TBC1D9: variants seen among roughly 807,000 people sequenced by gnomAD.
The protein encoded by TBC1D9 is TBC1 domain family member 9.
TBC1D9 carries 63 observed loss-of-function variants against 132.0 expected under a neutral mutation model. The observed-to-expected ratio is 0.48, with a 90% CI of 0.39 to 0.59. TBC1D9 has a LOEUF of 0.59. Among genes scored for constraint, TBC1D9 ranks in the 20% least tolerant of loss-of-function variants. TBC1D9 has a pLI of 0.00. For synonymous variants in TBC1D9, 610 were observed against 609.9 expected (o/e 1.00, Z 0.00); for missense variants, 1,261 against 1,592.7 (o/e 0.79, Z 3.54).
chr4:140,639,294 T>C (rs2110976275), intron 14 of TBC1D9, 36 bp downstream of exon 14: 2 of 1,540,716 alleles, frequency 1.3e-6, no homozygotes, highest in Non-Finnish European at 1.8e-6. Flanking sequence ...AGAAGGAAGA[T>C]GACAGAGGTT....
rs779565979 is a variant in TBC1D9 at position 140,662,088 on chromosome 4, G to C, written c.1608C>G (p.Ala536=). The C allele has an allele frequency of 6.2e-7, 1 of 1,613,760 alleles. No homozygotes were observed. Among genetic ancestry groups the C allele is most frequent in the Non-Finnish European group, 8.5e-7 (1 of 1,179,776 alleles). ...GGTCTTCATAGTACCCAGGATGTGT[G>C]GCCTTCTCATTGATGGCACCTGAGA... ...LLLSGAINEK[A]THPGYYEDLV... is the part of the protein sequence containing the mutation. The change falls in exon 10 of 21, where the codon GCC becomes GCG. Residue 536 remains alanine, a synonymous_variant. Transcript: ENST00000442267.
At position 140,628,361 on chromosome 4, in the gene TBC1D9, A is replaced by G. The variant is rs1251312488; in HGVS notation, c.2751T>C (p.Ala917=). 1 of 1,613,836 alleles carries G rather than the reference A, an allele frequency of 6.2e-7. No individual in the cohort carries two copies. The highest frequency in any genetic ancestry group is 8.5e-7 in the Non-Finnish European group (1 of 1,179,700). The stretch of plus-strand genomic sequence containing the variant: ...TCTCTGTGAGGTCCCCATGGCATGC[A>G]GCACCTAGAAGTCACATAAGTACCA... ...NFREFVSGLS[A]ACHGDLTEKL... is the part of the protein sequence containing the mutation. The change falls in exon 17 of 21, where the codon GCT becomes GCC. Residue 917 remains alanine, a synonymous_variant. Coordinates refer to ENST00000442267, the MANE Select transcript of TBC1D9 (RefSeq NM_015130.3).
Position 140,701,589 on chromosome 4 carries a change from A to G in TBC1D9, c.156T>C (p.Val52=). 6.2e-7 allele frequency: 1 copy of G among 1,613,970 alleles called. No homozygotes were observed. Residue 52 remains valine (V), a synonymous_variant, in exon 2 of 21, where the codon GTT becomes GTC. Transcript: ENST00000442267. ...CGACCCGGGCGCTGGAGTCCAACAC[A>G]ACATCAAGGGTACCCACCAGCAGGC... ...LAGLLVGTLD[V]VLDSSARVAP...
At chr4:140,737,542 G>A (rs924270070) in intron 1 of TBC1D9, among the ~76,000 whole-genome samples, 3 of 151,706 alleles carry the variant, frequency 2.0e-5, no homozygotes. Flanking sequence ...AAGAGCTGTG[G>A]TTGAAGGGAT....
At chr4:140,743,141 T>C (rs912780722) in intron 1 of TBC1D9, among the ~76,000 whole-genome samples, 10 of 152,230 alleles carry the variant, frequency 6.6e-5, no homozygotes, top group Admixed American at 2.0e-4. Flanking sequence ...TTTGACTTAA[T>C]GTTGTCAAAC....
intron 1 of TBC1D9, among the ~76,000 whole-genome samples, chr4:140,721,084 G>A (rs958762473): frequency 4.6e-5 from 7 of 152,184 alleles, no homozygotes; most frequent in African/African-American, 1.7e-4. Context: ...GACCTAGAAG[G>A]GTGGGGAAGA....
rs552073659 is a variant in TBC1D9, at chr4:140,750,493, A to G, written c.130+5423T>C. Among the ~76,000 whole-genome samples the G allele has an allele frequency of 1.7e-3, 264 of 152,206 alleles. 1 individual carries two copies. Among genetic ancestry groups the G allele is most frequent in the African/African-American group, 6.1e-3 (253 of 41,574 alleles). ...TAAAACAGCAATATTTCTACATCCC[A>G]GTAAAAAAGAAACAGAAAATGAAAT... On this transcript the variant is annotated intron_variant, in intron 1 of 20. Coordinates refer to ENST00000442267, the MANE Select transcript of TBC1D9 (RefSeq NM_015130.3).
chr4:140,720,123 G>T (rs1441196027), intron 1 of TBC1D9, among the ~76,000 whole-genome samples: 1 of 152,194 alleles, frequency 6.6e-6, no homozygotes, highest in East Asian at 1.9e-4. Flanking sequence ...ACCGATTGCG[G>T]TGGCTGAAGG....
intron 1 of TBC1D9, among the ~76,000 whole-genome samples, chr4:140,745,284 CAG>C (rs1018762327): frequency 1.7e-4 from 26 of 152,298 alleles, no homozygotes; most frequent in African/African-American, 5.5e-4. Flanking sequence ...AAATATTTTA[CAG>C]AGTTTGATTC....
chr4:140,734,134 T>C (rs1322252267), intron 1 of TBC1D9, among the ~76,000 whole-genome samples: 1 of 152,174 alleles, frequency 6.6e-6, no homozygotes, highest in Non-Finnish European at 1.5e-5. Context: ...CTTTGCTTTT[T>C]GGATTTTTCT....
intron 13 of TBC1D9, chr4:140,643,033 T>TG: frequency 4.9e-6 from 5 of 1,011,272 alleles, no homozygotes; most frequent in Non-Finnish European, 7.3e-6. Context: ...GAGGACTTCA[T>TG]GGGGTACATC....
intron 13 of TBC1D9, 86 bp from the exon 14 acceptor site, chr4:140,639,514 G>C: frequency 1.1e-6 from 1 of 922,084 alleles, no homozygotes; most frequent in South Asian, 1.4e-5. Flanking sequence ...ACACACTCTT[G>C]ACACATCAAA....
At chr4:140,715,679 A>G (rs1298163846) in intron 1 of TBC1D9, 4 of 152,238 alleles carry the variant, frequency 2.6e-5, no homozygotes, top group African/African-American at 9.6e-5. Context: ...AATTAAAACA[A>G]TCATGCTATT....
At chr4:140,636,801 T>C (rs766524921) in intron 15 of TBC1D9, among the ~76,000 whole-genome samples, 4 of 152,196 alleles carry the variant, frequency 2.6e-5, no homozygotes, top group Non-Finnish European at 4.4e-5. Context: ...AGTGTTGCAA[T>C]GATTCCATGA....
Position 140,719,685 on chromosome 4 carries a change from T to C in TBC1D9, c.131-18071A>G, listed in dbSNP as rs79796294. 3.5e-4 allele frequency among the ~76,000 whole-genome samples: 54 copies of C among 152,306 alleles called. 2 individuals are homozygous for C. In the East Asian group the frequency reaches 0.01, roughly 29 times the overall value. On this transcript the variant is annotated intron_variant, in intron 1 of 20. Transcript: ENST00000442267. ...AATCTATCACTGATGTCTTTGAGAA[T>C]AGGATCTGGCTGCGAAGAAAGAAGC...
At chr4:140,715,460 G>C (rs1409569259) in intron 1 of TBC1D9, among the ~76,000 whole-genome samples, 1 of 152,130 alleles carries the variant, frequency 6.6e-6, no homozygotes, top group Non-Finnish European at 1.5e-5. Flanking sequence ...ATAGTACCTT[G>C]AATGACTCCT....
chr4:140,659,643 C>T lies in TBC1D9; in HGVS notation c.1866G>A (p.Leu622=). 1 of 1,607,918 alleles carries T rather than the reference C, an allele frequency of 6.2e-7. No individual in the cohort carries two copies. Among genetic ancestry groups the T allele is most frequent in the Non-Finnish European group, 8.5e-7 (1 of 1,177,264 alleles). The change falls in exon 11 of 21, where the codon CTG becomes CTA. Residue 622 remains leucine (L), a synonymous_variant. Coordinates refer to ENST00000442267, the MANE Select transcript of TBC1D9 (RefSeq NM_015130.3). ...GCATGCGCTCACACAAAGCCACAAGCAGCCAGAAAGCTTCCTCCTCTTTGG... is the reference window on the plus strand; with the variant it reads ...GCATGCGCTCACACAAAGCCACAAGTAGCCAGAAAGCTTCCTCCTCTTTGG... The part of the protein sequence containing the change: ...LYAKEEEAFW[L]LVALCERMLP...
At chr4:140,673,392 G>A (rs114094299) in intron 6 of TBC1D9, among the ~76,000 whole-genome samples, 18 of 152,200 alleles carry the variant, frequency 1.2e-4, no homozygotes, top group East Asian at 3.9e-4. Flanking sequence ...TGGGCATTCC[G>A]TGTAGGATGT....
At chr4:140,752,717 C>T (rs912893695) in intron 1 of TBC1D9, among the ~76,000 whole-genome samples, 4 of 152,102 alleles carry the variant, frequency 2.6e-5, no homozygotes, top group African/African-American at 9.7e-5. Context: ...CTTCATTGCA[C>T]CAATGCCTAT....
Sources: allele counts gnomAD v4.1 joint callset (sites outside exome capture counted in the v4.1 genomes callset), GRCh38; gene constraint gnomAD v4.1.1; transcripts MANE v1.5; gene names NCBI Gene and HGNC (gene_info 2026-07-23, HGNC 2026-07-21).